The following ASTN2 variants were observed in gnomAD, a reference collection of about 807,000 sequenced individuals.
ASTN2 encodes the protein astrotactin-2.
ASTN2 carries 54 observed loss-of-function variants against 139.8 expected under a neutral mutation model. That is an observed-to-expected ratio of 0.39 (90% CI 0.31 to 0.48). The LOEUF (loss-of-function observed/expected upper bound fraction) is 0.48. Among genes scored for constraint, ASTN2 ranks in the 20% least tolerant of loss-of-function variants. The pLI is 0.95. For missense variants in ASTN2, 1,565 were observed against 1,725.1 expected, an observed-to-expected ratio of 0.91 and a Z score of 1.64; for synonymous variants, 756 against 719.5, an observed-to-expected ratio of 1.05 and a Z score of -0.81.
At chr9:116,538,334 AAAG>A (rs888466419) in intron 19 of ASTN2, among the ~76,000 whole-genome samples, 1 of 152,150 alleles carries the variant, frequency 6.6e-6, no homozygotes, top group African/African-American at 2.4e-5. Context: ...GGAAGCAAGG[AAAG>A]AAGCGAGGAA....
At chr9:116,886,795 C>A (rs1173989231) in intron 10 of ASTN2, among the ~76,000 whole-genome samples, 3 of 152,116 alleles carry the variant, frequency 2.0e-5, no homozygotes, top group Admixed American at 1.3e-4. Context: ...GCAAAGGCAG[C>A]AGAGTATTAA....
intron 1 of ASTN2, among the ~76,000 whole-genome samples, chr9:117,400,551 C>T (rs1206705145): frequency 6.6e-6 from 1 of 152,192 alleles, no homozygotes; most frequent in Non-Finnish European, 1.5e-5. Flanking sequence ...CAGTCCCCCT[C>T]CCTGGGGAAG....
chr9:116,903,126 C>G (rs1321207554), intron 10 of ASTN2, among the ~76,000 whole-genome samples: 1 of 152,002 alleles, frequency 6.6e-6, no homozygotes, highest in Non-Finnish European at 1.5e-5. Context: ...TTTTATTTGC[C>G]CAAATACTGT....
At position 117,146,645 on chromosome 9, in the gene ASTN2, G is replaced by C. The variant is rs142595614; in HGVS notation, c.1016-5167C>G. ...GACATGGAAAAGAAAACAAGAAAAA[G>C]AAGAAGGCATAGAAGTTCATGGTGA... is the stretch of plus-strand genomic sequence containing the variant. On this transcript the variant is annotated intron_variant, in intron 3 of 22. Transcript: ENST00000313400. Among the ~76,000 whole-genome samples the C allele has an allele frequency of 2.6e-4, 39 of 152,168 alleles. 1 individual carries two copies. In the East Asian group the frequency reaches 6.8e-3, roughly 26 times the overall value.
intron 10 of ASTN2, among the ~76,000 whole-genome samples, chr9:116,886,061 C>T (rs902230766): frequency 2.0e-5 from 3 of 152,230 alleles, no homozygotes; most frequent in Non-Finnish European, 4.4e-5. Flanking sequence ...GATCCTCTTG[C>T]CTCTACTTCT....
intron 2 of ASTN2, among the ~76,000 whole-genome samples, chr9:117,257,694 G>A (rs1170130772): frequency 6.6e-6 from 1 of 152,236 alleles, no homozygotes; most frequent in East Asian, 1.9e-4. Flanking sequence ...GATGCTGAAT[G>A]TTGGTTCCAC....
intron 3 of ASTN2, among the ~76,000 whole-genome samples, chr9:117,211,998 A>T (rs1316127153): frequency 6.6e-6 from 1 of 152,220 alleles, no homozygotes; most frequent in South Asian, 2.1e-4. Context: ...ACCTCAAAAT[A>T]TACTACAAAG....
chr9:117,402,913 C>A (rs1434038275), intron 1 of ASTN2, among the ~76,000 whole-genome samples: 1 of 152,056 alleles, frequency 6.6e-6, no homozygotes, highest in African/African-American at 2.4e-5. Context: ...AGTCTAGGAG[C>A]TGGCCAGGTG....
chr9:116,654,634 C>A (rs895397074), intron 16 of ASTN2, among the ~76,000 whole-genome samples: 2 of 152,100 alleles, frequency 1.3e-5, no homozygotes, highest in East Asian at 3.9e-4. Context: ...AAAGTGTGTC[C>A]CAAAGAAGGA....
intron 10 of ASTN2, among the ~76,000 whole-genome samples, chr9:116,968,004 C>T (rs538105967): frequency 6.6e-6 from 1 of 152,304 alleles, no homozygotes; most frequent in South Asian, 2.1e-4. Flanking sequence ...TCTACAATTC[C>T]TACTGCTTCT....
chr9:117,008,296 A>G, intron 6 of ASTN2, 37 bp from the exon 7 acceptor site: 1 of 1,534,986 alleles, frequency 6.5e-7, no homozygotes, highest in Non-Finnish European at 8.8e-7. Context: ...TTTCTTACTG[A>G]TTTTAAGGTC....
intron 19 of ASTN2, among the ~76,000 whole-genome samples, chr9:116,602,276 TA>T (rs1854940939): frequency 6.6e-6 from 1 of 152,194 alleles, no homozygotes; most frequent in Admixed American, 6.5e-5. Context: ...GGTGTGTTTA[TA>T]AAGAAAAGGA....
intron 13 of ASTN2, among the ~76,000 whole-genome samples, chr9:116,753,429 T>G (rs1352773470): frequency 6.6e-6 from 1 of 152,240 alleles, no homozygotes; most frequent in African/African-American, 2.4e-5. Flanking sequence ...TGTATGATAC[T>G]ATCATGGTGG....
At chr9:116,764,541 C>T (rs912942201) in intron 13 of ASTN2, among the ~76,000 whole-genome samples, 1 of 152,130 alleles carries the variant, frequency 6.6e-6, no homozygotes, top group Admixed American at 6.5e-5. Context: ...CTTAGCAAAC[C>T]CAGTTTGCAA....
At chr9:117,207,560 T>G (rs906904100) in intron 3 of ASTN2, among the ~76,000 whole-genome samples, 2 of 152,198 alleles carry the variant, frequency 1.3e-5, no homozygotes, top group African/African-American at 4.8e-5. Flanking sequence ...CTTATGCCCA[T>G]GTCCCAGGCC....
intron 2 of ASTN2, among the ~76,000 whole-genome samples, chr9:117,251,817 T>C (rs1833546337): frequency 6.6e-6 from 1 of 152,134 alleles, no homozygotes. Flanking sequence ...TAGTGTAAGA[T>C]TGTCTACACT....
intron 10 of ASTN2, among the ~76,000 whole-genome samples, chr9:116,881,560 A>G (rs1293354360): frequency 6.6e-6 from 1 of 152,246 alleles, no homozygotes; most frequent in Non-Finnish European, 1.5e-5. Context: ...TAAGCCACTT[A>G]AAGCACCACA....
intron 3 of ASTN2, among the ~76,000 whole-genome samples, chr9:117,200,622 T>C (rs1269328277): frequency 1.3e-5 from 2 of 152,216 alleles, no homozygotes; most frequent in South Asian, 4.1e-4. Context: ...GAGATAATCA[T>C]GTGGTTTTTG....
At chr9:116,968,201 CCTT>C (rs1484941370) in intron 10 of ASTN2, among the ~76,000 whole-genome samples, 2 of 152,192 alleles carry the variant, frequency 1.3e-5, no homozygotes, top group African/African-American at 2.4e-5. Flanking sequence ...CTTTCCTACT[CCTT>C]CTTCTCTTTC....
Sources: allele counts gnomAD v4.1 joint callset (sites outside exome capture counted in the v4.1 genomes callset), GRCh38; gene constraint gnomAD v4.1.1; transcripts MANE v1.5; gene names NCBI Gene and HGNC (gene_info 2026-07-23, HGNC 2026-07-21).